Variants in ACLY observed in about 807,000 individuals in gnomAD.
ACLY encodes the protein ATP citrate lyase.
Under a neutral mutation model 133.0 loss-of-function variants are expected in ACLY, and 41 were observed. That is an observed-to-expected ratio of 0.31 (90% CI 0.24 to 0.40). The LOEUF is 0.40. Among genes scored for constraint, ACLY ranks in the 10% least tolerant of loss-of-function variants. ACLY has a pLI of 1.00. For synonymous variants in ACLY, 495 were observed against 549.3 expected (o/e 0.90, Z 1.38); for missense variants, 1,046 against 1,453.8 (o/e 0.72, Z 4.56).
chr17:41,876,960 C>T (rs1323773456), intron 22 of ACLY, among the ~76,000 whole-genome samples: 1 of 151,830 alleles, frequency 6.6e-6, no homozygotes, highest in Admixed American at 6.6e-5. Flanking sequence ...GGGAGCCCTT[C>T]AATATGTCTT....
At chr17:41,894,486 CTG>C (rs2049308577) in intron 14 of ACLY, among the ~76,000 whole-genome samples, 1 of 148,906 alleles carries the variant, frequency 6.7e-6, no homozygotes. Flanking sequence ...ACTTAGGAGA[CTG>C]AGATGGGAGG....
At chr17:41,890,918 A>C (rs1222541733) in intron 16 of ACLY, among the ~76,000 whole-genome samples, 1 of 151,324 alleles carries the variant, frequency 6.6e-6, no homozygotes. Context: ...AGGCACGAGA[A>C]TCACTTGAGC....
At chr17:41,889,797 TGCCTCA>T (rs2049157568) in intron 16 of ACLY, among the ~76,000 whole-genome samples, 1 of 152,106 alleles carries the variant, frequency 6.6e-6, no homozygotes, top group Non-Finnish European at 1.5e-5. Context: ...GTGATTCTCT[TGCCTCA>T]GCCTCCCAAG....
chr17:41,912,569 A>G, intron 2 of ACLY, 27 bp from the exon 3 acceptor site: 1 of 1,613,832 alleles, frequency 6.2e-7, no homozygotes, highest in Non-Finnish European at 8.5e-7. Flanking sequence ...TTGTATTTAG[A>G]GTGAGGAAGA....
chr17:41,897,590 G>C (rs1398986496), intron 13 of ACLY, among the ~76,000 whole-genome samples, 159 bp downstream of exon 13: 1 of 152,056 alleles, frequency 6.6e-6, no homozygotes, highest in African/African-American at 2.4e-5. Context: ...GAAGGCTCAA[G>C]TCATACCATC....
At chr17:41,893,507 T>G (rs1369931773) in intron 14 of ACLY, among the ~76,000 whole-genome samples, 1 of 152,230 alleles carries the variant, frequency 6.6e-6, no homozygotes, top group African/African-American at 2.4e-5. Context: ...AGGCAAGGTG[T>G]GTCATCAGCT....
intron 11 of ACLY, among the ~76,000 whole-genome samples, chr17:41,901,426 CCCT>C (rs1221181144): frequency 8.5e-5 from 13 of 152,266 alleles, no homozygotes; most frequent in African/African-American, 3.1e-4. Context: ...GTGGCTGTAA[CCCT>C]CGTCACCAGC....
Position 41,867,680 on chromosome 17 carries a change from G to A in ACLY, c.*130C>T, listed in dbSNP as rs1235347452. On this transcript the variant is annotated 3_prime_UTR_variant, in exon 29 of 29. Coordinates refer to ENST00000352035, the MANE Select transcript of ACLY (RefSeq NM_001096.3). ...CTGTGGATGTTGGTCTTCGGTGCCT[G>A]TACCCCAGTGGCTGTTTACATTCCA... The A allele has an allele frequency of 6.8e-6, 4 of 592,232 alleles. No homozygotes were observed. The highest frequency in any genetic ancestry group is 1.2e-5 in the Non-Finnish European group (4 of 346,960). The allele number at this position is 592,232 out of a possible 1,614,324, so 36.7% of individuals were successfully genotyped here. A position where few individuals can be genotyped will look rare whatever the true frequency, so the allele number is the denominator to read the frequency against.
At chr17:41,900,315 A>G (rs1273394656) in intron 11 of ACLY, among the ~76,000 whole-genome samples, 2 of 151,698 alleles carry the variant, frequency 1.3e-5, no homozygotes, top group African/African-American at 4.8e-5. Context: ...GTGAGCCGAG[A>G]TCGCGCCACT....
At chr17:41,912,274 T>G in intron 3 of ACLY, 146 bp downstream of exon 3, 2 of 1,018,686 alleles carry the variant, frequency 2.0e-6, no homozygotes. Context: ...GGCAGCCACC[T>G]GAGTGGGTCA....
At chr17:41,893,606 T>C (rs1555629810) in intron 14 of ACLY, among the ~76,000 whole-genome samples, 1 of 152,248 alleles carries the variant, frequency 6.6e-6, no homozygotes, top group Non-Finnish European at 1.5e-5. Flanking sequence ...TCAGGACTTA[T>C]GTTCCAACAA....
rs1555629658 is a variant in ACLY, at chr17:41,893,072, C to T, written c.1562G>A (p.Arg521Gln). The T allele has an allele frequency of 2.5e-6, 4 of 1,613,984 alleles. No homozygotes were observed. The highest frequency in any genetic ancestry group is 1.3e-5 in the African/African-American group (1 of 74,926). The change falls in exon 15 of 29, where the codon CGA (arginine) becomes CAA (glutamine). Residue 521 changes from arginine to glutamine, a missense_variant. Transcript: ENST00000352035. Reference protein sequence around the residue: ...GMLDFDYVCSRDEPSVAAMVY... With the variant: ...GMLDFDYVCSQDEPSVAAMVY... ...CATGGCAGCCACTGAGGGCTCGTCT[C>T]GGGAGCAGACATAGTCAAAGTCCAG... is the stretch of plus-strand genomic sequence containing the variant.
intron 4 of ACLY, 106 bp downstream of exon 4, chr17:41,910,116 T>G: frequency 8.7e-7 from 1 of 1,143,676 alleles, no homozygotes; most frequent in Non-Finnish European, 1.3e-6. Flanking sequence ...GGGACCCTGG[T>G]CCCTCTGACT....
chr17:41,906,061 TG>T (rs1242015827), intron 8 of ACLY, among the ~76,000 whole-genome samples: 1 of 152,180 alleles, frequency 6.6e-6, no homozygotes, highest in African/African-American at 2.4e-5. Flanking sequence ...CATCTAGAAG[TG>T]AGCAGGTGTC....
chr17:41,868,127 AAAAAT>A (rs1176078371), intron 28 of ACLY, among the ~76,000 whole-genome samples: 49 of 152,300 alleles, frequency 3.2e-4, no homozygotes, highest in Admixed American at 2.3e-3. Context: ...TTTAAAGGGA[AAAAAT>A]AAAATAAAAT....
chr17:41,869,232 C>T, intron 26 of ACLY, 107 bp from the exon 27 acceptor site: 5 of 1,096,906 alleles, frequency 4.6e-6, no homozygotes, highest in Non-Finnish European at 5.5e-6. Flanking sequence ...CATTTAAAAA[C>T]CTTCTACCAG....
chr17:41,890,480 C>T (rs537875364), intron 16 of ACLY, among the ~76,000 whole-genome samples: 2 of 147,906 alleles, frequency 1.4e-5, no homozygotes, highest in Non-Finnish European at 3.0e-5. Flanking sequence ...GTCGAGAGAT[C>T]GAGACCACCC....
chr17:41,871,611 T>C (rs1347509738), intron 25 of ACLY, 78 bp downstream of exon 25: 29 of 1,570,758 alleles, frequency 1.8e-5, no homozygotes, highest in Non-Finnish European at 2.4e-5. Context: ...TGCCTTGGCC[T>C]CCCAAAGTGC....
chr17:41,887,828 G>A, intron 16 of ACLY, 125 bp from the exon 17 acceptor site: 1 of 773,030 alleles, frequency 1.3e-6, no homozygotes, highest in East Asian at 2.8e-5. Flanking sequence ...ACAAAGTAAT[G>A]TTAACAATAT....
Sources: allele counts gnomAD v4.1 joint callset (sites outside exome capture counted in the v4.1 genomes callset), GRCh38; gene constraint gnomAD v4.1.1; transcripts MANE v1.5; gene names NCBI Gene and HGNC (gene_info 2026-07-23, HGNC 2026-07-21).